The following CNTN5 variants were observed in gnomAD, a reference collection of about 807,000 sequenced individuals.
The protein encoded by CNTN5 is contactin 5.
Under a neutral mutation model 129.1 loss-of-function variants are expected in CNTN5, and 77 were observed. That is an observed-to-expected ratio of 0.60 (90% CI 0.50 to 0.72). CNTN5 has a LOEUF of 0.72. Ranked by LOEUF, CNTN5 falls within the 30% of genes least tolerant of loss-of-function variation. The pLI, the probability that CNTN5 is intolerant of heterozygous loss-of-function variation, is 0.00. For missense variants in CNTN5, 1,478 were observed against 1,328.8 expected, an observed-to-expected ratio of 1.11 and a Z score of -1.75; for synonymous variants, 509 against 465.6, an observed-to-expected ratio of 1.09 and a Z score of -1.20.
chr11:99,609,677 T>C (rs1312562208), intron 3 of CNTN5, among the ~76,000 whole-genome samples: 8 of 152,130 alleles, frequency 5.3e-5, no homozygotes, highest in Admixed American at 1.3e-4. Context: ...TTAGGAACTT[T>C]AGATTATTGA....
intron 7 of CNTN5, among the ~76,000 whole-genome samples, chr11:99,954,620 T>G (rs957157514): frequency 1.3e-5 from 2 of 152,132 alleles, no homozygotes; most frequent in Admixed American, 1.3e-4. Flanking sequence ...AATTATAGAT[T>G]TATAGTTTTT....
intron 13 of CNTN5, among the ~76,000 whole-genome samples, chr11:100,089,034 C>T (rs1471983989): frequency 6.6e-6 from 1 of 151,978 alleles, no homozygotes; most frequent in African/African-American, 2.4e-5. Flanking sequence ...CCAATTGACC[C>T]TGATTAGGTA....
chr11:99,398,437 C>T (rs528875882), intron 2 of CNTN5, among the ~76,000 whole-genome samples: 2 of 151,976 alleles, frequency 1.3e-5, no homozygotes, highest in South Asian at 4.1e-4. Flanking sequence ...TTAGCAAATG[C>T]TTAATATTTT....
chr11:99,270,491 C>T (rs78446460), intron 1 of CNTN5, among the ~76,000 whole-genome samples: 14,206 of 151,860 alleles, frequency 0.094, 706 homozygotes, highest in South Asian at 0.13. Context: ...TATAACACTA[C>T]TCCTTTCTTC....
At chr11:99,502,387 G>A (rs1317339831) in intron 2 of CNTN5, among the ~76,000 whole-genome samples, 1 of 152,120 alleles carries the variant, frequency 6.6e-6, no homozygotes, top group Non-Finnish European at 1.5e-5. Context: ...TCAAGGGAGG[G>A]ACGAGATGGA....
intron 8 of CNTN5, among the ~76,000 whole-genome samples, chr11:99,982,077 A>C (rs898122085): frequency 1.3e-5 from 2 of 152,222 alleles, no homozygotes; most frequent in African/African-American, 4.8e-5. Context: ...GAGGAAAAGG[A>C]ATGTTATCTA....
At chr11:99,517,540 G>T (rs1297869437) in intron 2 of CNTN5, among the ~76,000 whole-genome samples, 1 of 152,018 alleles carries the variant, frequency 6.6e-6, no homozygotes, top group Admixed American at 6.6e-5. Flanking sequence ...TTCTCTCCTA[G>T]ACTTCTCAGC....
chr11:100,059,341 C>T (rs898061432), intron 9 of CNTN5, among the ~76,000 whole-genome samples: 5 of 151,946 alleles, frequency 3.3e-5, no homozygotes, highest in East Asian at 1.9e-4. Context: ...TTTCTAAACA[C>T]ACAAAAAATC....
chr11:100,341,540 G>A (rs1952163390), intron 23 of CNTN5, among the ~76,000 whole-genome samples: 1 of 152,130 alleles, frequency 6.6e-6, no homozygotes, highest in Non-Finnish European at 1.5e-5. Context: ...AACTTTGCTG[G>A]CAGCTGACAA....
At chr11:99,721,038 A>C (rs1943154665) in intron 3 of CNTN5, among the ~76,000 whole-genome samples, 1 of 152,200 alleles carries the variant, frequency 6.6e-6, no homozygotes, top group East Asian at 1.9e-4. Flanking sequence ...AGGAATAATC[A>C]GTATCATTAA....
intron 2 of CNTN5, among the ~76,000 whole-genome samples, chr11:99,553,058 T>C (rs1948547278): frequency 6.6e-6 from 1 of 152,186 alleles, no homozygotes; most frequent in Admixed American, 6.5e-5. Flanking sequence ...ATCTACTTAT[T>C]GCACTCTACT....
intron 8 of CNTN5, among the ~76,000 whole-genome samples, chr11:99,974,117 T>C (rs1175339667): frequency 1.3e-5 from 2 of 152,230 alleles, no homozygotes; most frequent in Non-Finnish European, 2.9e-5. Flanking sequence ...CATTCTTCCT[T>C]TGCACCAGCC....
chr11:99,268,402 G>C (rs959445432), intron 1 of CNTN5, among the ~76,000 whole-genome samples: 1 of 151,392 alleles, frequency 6.6e-6, no homozygotes, highest in Non-Finnish European at 1.5e-5. Context: ...TGAAAATTAT[G>C]AGTAAATTAG....
At position 99,800,504 on chromosome 11, in the gene CNTN5, G is replaced by C. The variant is rs149651966; in HGVS notation, c.56-19040G>C. ...GGTCTGGGATTTCTTTGTTAGTTTT[G>C]GGCCTTGATGATCTGTCTGATGCTG... On this transcript the variant is annotated intron_variant, in intron 3 of 24. Transcript: ENST00000524871. Among the ~76,000 whole-genome samples, 715 of 152,104 alleles carry C rather than the reference G, an allele frequency of 4.7e-3. 9 individuals carry two copies. The highest frequency in any genetic ancestry group is 0.014 in the African/African-American group (573 of 41,524).
At chr11:100,024,071 C>T (rs1941292251) in intron 9 of CNTN5, among the ~76,000 whole-genome samples, 1 of 152,198 alleles carries the variant, frequency 6.6e-6, no homozygotes, top group African/African-American at 2.4e-5. Flanking sequence ...CAAATCTCAT[C>T]TTGAATTGTA....
At chr11:99,864,732 T>A (rs1447351919) in intron 6 of CNTN5, among the ~76,000 whole-genome samples, 1 of 152,024 alleles carries the variant, frequency 6.6e-6, no homozygotes, top group Non-Finnish European at 1.5e-5. Flanking sequence ...TGCCTCGGAG[T>A]TTTTGGGGAT....
intron 9 of CNTN5, among the ~76,000 whole-genome samples, chr11:100,007,380 C>T (rs1940260490): frequency 6.6e-6 from 1 of 152,066 alleles, no homozygotes; most frequent in Non-Finnish European, 1.5e-5. Context: ...CATCTTCTTT[C>T]AAAATAAGGC....
intron 3 of CNTN5, among the ~76,000 whole-genome samples, chr11:99,637,049 A>T (rs1224751006): frequency 1.4e-5 from 2 of 141,516 alleles, no homozygotes; most frequent in Non-Finnish European, 1.5e-5. Flanking sequence ...AAAGTAAATG[A>T]CTCTGTATTG....
rs550322037 is a variant in CNTN5 at position 99,199,443 on chromosome 11, A to T, written c.-209-125903A>T. Among the ~76,000 whole-genome samples, 6 of 152,336 alleles carry T rather than the reference A, an allele frequency of 3.9e-5. No homozygotes were observed. In the South Asian group the frequency reaches 1.2e-3, roughly 32 times the overall value. ...TCAGTTACTGTTGCAATAACACAATATGACATTCTACAAATCAAAGTGCTT... is the reference window on the plus strand; with the variant it reads ...TCAGTTACTGTTGCAATAACACAATTTGACATTCTACAAATCAAAGTGCTT... On this transcript the variant is annotated intron_variant, in intron 1 of 24. Transcript: ENST00000524871.
Sources: allele counts gnomAD v4.1 joint callset (sites outside exome capture counted in the v4.1 genomes callset), GRCh38; gene constraint gnomAD v4.1.1; transcripts MANE v1.5; gene names NCBI Gene and HGNC (gene_info 2026-07-23, HGNC 2026-07-21).